PSMD9: variants seen among roughly 807,000 people sequenced by gnomAD.
PSMD9 encodes the protein proteasome 26S subunit, non-ATPase 9, also known as 26S proteasome non-ATPase regulatory subunit 9.
In PSMD9, 26 loss-of-function variants were observed where a neutral mutation model predicts 25.9. That is an observed-to-expected ratio of 1.00 (90% CI 0.73 to 1.39). The LOEUF (loss-of-function observed/expected upper bound fraction) is 1.39. PSMD9 is among the 40% of genes most tolerant of loss of function. The pLI, the probability that PSMD9 is intolerant of heterozygous loss-of-function variation, is 0.00. For missense variants in PSMD9, 303 were observed against 299.3 expected (o/e 1.01, Z -0.09); for synonymous variants, 110 against 114.5 (o/e 0.96, Z 0.25).
intron 4 of PSMD9, among the ~76,000 whole-genome samples, chr12:121,910,082 A>ATTTTTT (rs1159648546): frequency 2.1e-5 from 1 of 48,366 alleles, no homozygotes. Flanking sequence ...GTAGGAAATG[A>ATTTTTT]CTTTTTTTTT....
chr12:121,900,005 C>T (rs1879345312), intron 3 of PSMD9, 160 bp downstream of exon 3: 2 of 867,238 alleles, frequency 2.3e-6, no homozygotes, highest in South Asian at 3.3e-5. Context: ...TGTATCCAGC[C>T]CTGTGCTGGG....
chr12:121,906,072 T>TGG (rs1879546262), intron 4 of PSMD9, among the ~76,000 whole-genome samples: 1 of 150,086 alleles, frequency 6.7e-6, no homozygotes, highest in African/African-American at 2.5e-5. Flanking sequence ...TGAGAAGAGC[T>TGG]GCTGGTTTTT....
chr12:121,901,277 A>C (rs1012997650), intron 3 of PSMD9, among the ~76,000 whole-genome samples: 4 of 152,192 alleles, frequency 2.6e-5, no homozygotes, highest in Non-Finnish European at 5.9e-5. Flanking sequence ...GTTGAATCAT[A>C]TAATATGTGA....
Position 121,917,077 on chromosome 12 carries a change from A to G in PSMD9, c.*766A>G, listed in dbSNP as rs1879931400. 6.6e-6 allele frequency: 1 copy of G among 152,302 alleles called. No individual in the cohort carries two copies. Among genetic ancestry groups the G allele is most frequent in the Non-Finnish European group, 1.5e-5 (1 of 68,110 alleles). 9.4% of individuals were successfully genotyped at this position (152,302 alleles called of 1,614,324 possible). A position where few individuals can be genotyped will look rare whatever the true frequency, so the allele number is the denominator to read the frequency against. ...GAGTGCAGTGTCGTGATCAAGGTTC[A>G]CTGAAGCCTTGACGCTGTGGGCACT... On this transcript the variant is annotated 3_prime_UTR_variant, in exon 6 of 6. Transcript: ENST00000541212.
chr12:121,915,902 TTA>T lies in PSMD9; in HGVS notation c.603_604del (p.Arg202ThrfsTer29), dbSNP rs1565897179. 1 of 1,613,982 alleles carries T rather than the reference TTA, an allele frequency of 6.2e-7. No homozygotes were observed. The highest frequency in any genetic ancestry group is 1.1e-5 in the South Asian group (1 of 91,028). ...ATCCGCAGGGGGGAAAAACACCAGC[TTA>T]GACTTGTTCCAACACGCTGGGCAGG... On this transcript the variant is annotated frameshift_variant, in exon 5 of 6. Transcript: ENST00000541212. LOFTEE classifies it high-confidence loss of function.
intron 4 of PSMD9, among the ~76,000 whole-genome samples, chr12:121,905,309 T>TCGGGGG (rs1214945231): frequency 6.8e-6 from 1 of 147,674 alleles, no homozygotes; most frequent in Non-Finnish European, 1.5e-5. Context: ...CTGCAAGCTC[T>TCGGGGG]GCCTCCCAGG....
At chr12:121,894,886 G>C in intron 2 of PSMD9, 45 bp downstream of exon 2, 1 of 1,483,630 alleles carries the variant, frequency 6.7e-7, no homozygotes, top group Non-Finnish European at 9.3e-7. Context: ...GTGGTGGGAA[G>C]GTGTTAAAGG....
In PSMD9 at chr12:121,917,689, T is replaced by C. The variant is rs1161871066; in HGVS notation, c.*1378T>C. 6.6e-6 allele frequency: 1 copy of C among 152,362 alleles called. No homozygotes were observed. Among genetic ancestry groups the C allele is most frequent in the African/African-American group, 2.4e-5 (1 of 41,578 alleles). The allele number at this position is 152,362 out of a possible 1,614,324, so 9.4% of individuals were successfully genotyped here. The stretch of plus-strand genomic sequence containing the variant: ...ACACTCAATTCCAAAGCCTTCCTAT[T>C]GGGCGAATTCCCTCAAACTCTATTT... On this transcript the variant is annotated 3_prime_UTR_variant, in exon 6 of 6. Coordinates refer to ENST00000541212, the MANE Select transcript of PSMD9 (RefSeq NM_002813.7).
rs748980835 is a variant in PSMD9 at position 121,899,696 on chromosome 12, G to A, written c.304G>A (p.Ala102Thr). 19 of 1,613,864 alleles carry A rather than the reference G, an allele frequency of 1.2e-5. No homozygotes were observed. The highest frequency in any genetic ancestry group is 5.0e-5 in the Admixed American group (3 of 59,940). The change falls in exon 3 of 6, where the codon GCT becomes ACT. Residue 102 changes from alanine (A) to threonine (T), a missense_variant. By Grantham distance (58) the Ala-to-Thr change is moderately conservative (BLOSUM62 0). Transcript: ENST00000541212. ...GGAGGAGGCCCTGCACCAGCTGCACGCTCGCGACAAGGAGAAGCAGGCCCG... is the reference window on the plus strand; with the variant it reads ...GGAGGAGGCCCTGCACCAGCTGCACACTCGCGACAAGGAGAAGCAGGCCCG... ...QVEEALHQLH[A>T]RDKEKQARDM... is the part of the protein sequence containing the mutation.
chr12:121,913,167 A>G (rs1482565733), intron 4 of PSMD9, among the ~76,000 whole-genome samples: 2 of 151,918 alleles, frequency 1.3e-5, no homozygotes, highest in African/African-American at 2.4e-5. Context: ...GATGGTGTCA[A>G]TCTCCTGACT....
At chr12:121,900,932 C>T (rs1035130120) in intron 3 of PSMD9, among the ~76,000 whole-genome samples, 1 of 141,672 alleles carries the variant, frequency 7.1e-6, no homozygotes, top group African/African-American at 2.7e-5. Context: ...TTGCAGTGAG[C>T]GGAGATCGTG....
intron 4 of PSMD9, among the ~76,000 whole-genome samples, chr12:121,911,350 C>T (rs1879714522): frequency 6.6e-6 from 1 of 152,080 alleles, no homozygotes; most frequent in Non-Finnish European, 1.5e-5. Context: ...GCTTATTTCA[C>T]TTAGCATAAT....
chr12:121,912,326 C>T (rs528390709), intron 4 of PSMD9, among the ~76,000 whole-genome samples: 11 of 152,158 alleles, frequency 7.2e-5, no homozygotes, highest in South Asian at 4.1e-4. Flanking sequence ...CCACCGTGCC[C>T]GGCGCTTTGT....
chr12:121,917,161 A>AT lies in PSMD9; in HGVS notation c.*856dup, dbSNP rs1879936631. The AT allele has an allele frequency of 6.6e-6, 1 of 152,030 alleles. No homozygotes were observed. 9.4% of individuals were successfully genotyped at this position (152,030 alleles called of 1,614,324 possible). A position where few individuals can be genotyped will look rare whatever the true frequency, so the allele number is the denominator to read the frequency against. ...GTGCACCACCATGCATAGCTAATTT[A>AT]TTTTTTGTAGAGACAGGGTCTCCCT... On this transcript the variant is annotated 3_prime_UTR_variant, in exon 6 of 6. Transcript: ENST00000541212.
At chr12:121,906,172 A>G (rs757890023) in intron 4 of PSMD9, among the ~76,000 whole-genome samples, 7 of 151,984 alleles carry the variant, frequency 4.6e-5, no homozygotes, top group Non-Finnish European at 1.0e-4. Flanking sequence ...TTTTAAGCAA[A>G]ATGAATCTTT....
chr12:121,889,120 G>A, intron 1 of PSMD9, 126 bp downstream of exon 1: 7 of 1,215,706 alleles, frequency 5.8e-6, no homozygotes, highest in East Asian at 2.6e-5. Context: ...CCAAGGCGCC[G>A]CAAGTGCGGC....
intron 4 of PSMD9, among the ~76,000 whole-genome samples, chr12:121,911,227 A>T (rs1309502236): frequency 6.6e-6 from 1 of 152,018 alleles, no homozygotes; most frequent in East Asian, 1.9e-4. Context: ...TTTAGTAGAG[A>T]TGGGGTTTTG....
rs370872750 is a variant in PSMD9, at chr12:121,899,856, G to A, written c.453+11G>A. The A allele has an allele frequency of 6.2e-7, 1 of 1,613,708 alleles. No homozygotes were observed. Among genetic ancestry groups the A allele is most frequent in the African/African-American group, 1.3e-5 (1 of 74,910 alleles). On this transcript the variant is annotated intron_variant, in intron 3 of 5. Transcript: ENST00000541212. ...CCAGCCAGCATCGCGGTAATCCAGGGGTTGGCCACTCAAGTCCATGCCCAG... is the reference window on the plus strand; with the variant it reads ...CCAGCCAGCATCGCGGTAATCCAGGAGTTGGCCACTCAAGTCCATGCCCAG...
intron 5 of PSMD9, 28 bp downstream of exon 5, chr12:121,915,972 A>C: frequency 6.3e-7 from 1 of 1,594,624 alleles, no homozygotes; most frequent in South Asian, 1.1e-5. Flanking sequence ...GTTCATTCTC[A>C]CTGGGGCATC....
Sources: gnomAD v4.1 joint callset for allele counts (sites outside exome capture counted in the v4.1 genomes callset) on GRCh38, gnomAD v4.1.1 for gene constraint, MANE v1.5 for transcripts, NCBI Gene and HGNC (gene_info 2026-07-23, HGNC 2026-07-21) for gene names.